Variants in PPP1R42 observed in about 807,000 individuals in gnomAD.
PPP1R42 encodes protein phosphatase 1 regulatory subunit 42.
A neutral mutation model predicts 31.0 loss-of-function variants in PPP1R42; 34 were observed. That is an observed-to-expected ratio of 1.10 (90% CI 0.83 to 1.46). PPP1R42 has a LOEUF of 1.46. Among genes scored for constraint, PPP1R42 ranks in the 40% most tolerant of loss-of-function variants. The pLI is 0.00. For missense variants in PPP1R42, 268 were observed against 303.0 expected (o/e 0.88, Z 0.86); for synonymous variants, 103 against 109.8 (o/e 0.94, Z 0.39).
chr8:66,985,285 C>T (rs764034150), intron 6 of PPP1R42: 29 of 920,746 alleles, frequency 3.1e-5, no homozygotes, highest in Non-Finnish European at 4.8e-5. Flanking sequence ...AGTGGAGACT[C>T]GGGGTCAAAA....
chr8:67,027,418 G>T (rs1386229690), intron 1 of PPP1R42, among the ~76,000 whole-genome samples: 3 of 152,120 alleles, frequency 2.0e-5, no homozygotes, highest in African/African-American at 7.2e-5. Flanking sequence ...TAAACCAAGG[G>T]AAGGTCAATG....
intron 1 of PPP1R42, among the ~76,000 whole-genome samples, chr8:67,026,135 C>T (rs751497191): frequency 4.6e-5 from 7 of 150,564 alleles, no homozygotes; most frequent in African/African-American, 1.7e-4. Flanking sequence ...CAGGAGTTTG[C>T]GACCAGCCTG....
chr8:66,973,939 G>C (rs1814602488), intron 7 of PPP1R42, among the ~76,000 whole-genome samples: 1 of 152,164 alleles, frequency 6.6e-6, no homozygotes, highest in Non-Finnish European at 1.5e-5. Context: ...AAGCTGAATA[G>C]TGTTCCGTGT....
At chr8:66,980,948 T>G (rs1460792920) in intron 7 of PPP1R42, among the ~76,000 whole-genome samples, 2 of 152,042 alleles carry the variant, frequency 1.3e-5, no homozygotes, top group Non-Finnish European at 2.9e-5. Context: ...GTTCAAGTGA[T>G]TCTCCTGCCT....
intron 2 of PPP1R42, among the ~76,000 whole-genome samples, chr8:67,017,211 CGT>C (rs1409101126): frequency 1.3e-5 from 2 of 152,058 alleles, no homozygotes; most frequent in Non-Finnish European, 2.9e-5. Context: ...CAGTGGCTTG[CGT>C]GTGTAATCCC....
chr8:66,987,727 T>C lies in PPP1R42; in HGVS notation c.670+673A>G, dbSNP rs926653808. ...CTCTCAATACAAAATTTGCTTCCAC[T>C]CATGCTAAGTAAACCAAATATGTGG... is the stretch of plus-strand genomic sequence containing the variant. On this transcript the variant is annotated intron_variant, in intron 6 of 7. Transcript: ENST00000685739. Among the ~76,000 whole-genome samples the C allele has an allele frequency of 2.0e-5, 3 of 152,176 alleles. No homozygotes were observed. The South Asian group carries it at 6.2e-4, about 31-fold the overall frequency.
intron 7 of PPP1R42, among the ~76,000 whole-genome samples, chr8:66,972,669 C>A (rs553056925): frequency 3.5e-4 from 54 of 152,244 alleles, no homozygotes; most frequent in African/African-American, 1.2e-3. Context: ...GGATTACAGG[C>A]ATGAGCCACC....
At chr8:66,996,697 A>AT (rs959554133) in intron 5 of PPP1R42, among the ~76,000 whole-genome samples, 1 of 151,944 alleles carries the variant, frequency 6.6e-6, no homozygotes, top group Non-Finnish European at 1.5e-5. Context: ...AAATCTTTAT[A>AT]TTTTTTCTAG....
chr8:67,028,223 G>A (rs1376133329), intron 1 of PPP1R42, among the ~76,000 whole-genome samples: 2 of 151,888 alleles, frequency 1.3e-5, no homozygotes, highest in Admixed American at 1.3e-4. Flanking sequence ...TCAGCTCCAC[G>A]CCCACCGGGC....
At chr8:66,975,390 G>A (rs1018544012) in intron 7 of PPP1R42, among the ~76,000 whole-genome samples, 7 of 152,208 alleles carry the variant, frequency 4.6e-5, no homozygotes, top group African/African-American at 1.7e-4. Flanking sequence ...GCTCATGCCT[G>A]TAATCCCAGG....
At chr8:66,974,157 G>A (rs911504463) in intron 7 of PPP1R42, among the ~76,000 whole-genome samples, 1 of 152,158 alleles carries the variant, frequency 6.6e-6, no homozygotes, top group African/African-American at 2.4e-5. Flanking sequence ...TTTGAGGAAC[G>A]TTCATACTGT....
Position 67,014,565 on chromosome 8 carries a change from T to C in PPP1R42, c.157A>G (p.Ser53Gly). 2.0e-6 allele frequency: 3 copies of C among 1,535,312 alleles called. No individual in the cohort carries two copies. The highest frequency in any genetic ancestry group is 2.7e-6 in the Non-Finnish European group (3 of 1,131,920). Residue 53 changes from serine (S) to glycine (G), a missense_variant, in exon 3 of 8, where the codon AGT (serine) becomes GGT (glycine). Physicochemically the swap from Ser to Gly is moderately conservative, Grantham distance 56 (BLOSUM62 0). Transcript: ENST00000685739. ...CAATTATCATATAAATATAAAACAC[T>C]AAGATTTTTGCAAAGAGAGAGGTCT... Reference protein sequence around the residue: ...IEDLSLCKNLSVLYLYDNCIS... With the variant: ...IEDLSLCKNLGVLYLYDNCIS...
At chr8:66,993,403 C>A (rs1386215120) in intron 5 of PPP1R42, among the ~76,000 whole-genome samples, 1 of 152,346 alleles carries the variant, frequency 6.6e-6, no homozygotes, top group Admixed American at 6.5e-5. Context: ...AACTCTCTTT[C>A]ATGCCTATGT....
intron 1 of PPP1R42, among the ~76,000 whole-genome samples, chr8:67,027,763 GAGATTGTGTTCTAA>G (rs1440534653): frequency 6.6e-6 from 1 of 152,096 alleles, no homozygotes; most frequent in Admixed American, 6.6e-5. Flanking sequence ...TCTTTTAAAA[GAGATTGTGTTCTAA>G]AGTTTGAGAA....
At chr8:66,985,250 T>C (rs1283888300) in intron 6 of PPP1R42, 2 of 1,083,200 alleles carry the variant, frequency 1.8e-6, no homozygotes, top group East Asian at 4.7e-5. Context: ...AATTTAAAAG[T>C]GCGTTTCTGG....
intron 2 of PPP1R42, among the ~76,000 whole-genome samples, chr8:67,015,037 G>A (rs55865589): frequency 3.1e-4 from 47 of 151,266 alleles, no homozygotes; most frequent in Non-Finnish European, 5.9e-4. Context: ...TTTTTTTCCT[G>A]AGATGGAGTC....
At position 67,022,327 on chromosome 8, in the gene PPP1R42, A is replaced by G. The variant is rs1816246987; in HGVS notation, c.-84-4496T>C. On this transcript the variant is annotated intron_variant, in intron 1 of 7. Coordinates refer to ENST00000685739, the MANE Select transcript of PPP1R42 (RefSeq NM_001364910.1). ...TCTCTTCTGTTAATTGCTATTTCTTATATTTTGCCCATTTTTCCTACTGAG... is the reference window on the plus strand; with the variant it reads ...TCTCTTCTGTTAATTGCTATTTCTTGTATTTTGCCCATTTTTCCTACTGAG... Among the ~76,000 whole-genome samples, 2 of 152,134 alleles carry G rather than the reference A, an allele frequency of 1.3e-5. 1 individual carries two copies. Among genetic ancestry groups the G allele is most frequent in the Admixed American group, 1.3e-4 (2 of 15,272 alleles).
chr8:67,001,422 TATA>T (rs1815487072), intron 5 of PPP1R42, among the ~76,000 whole-genome samples: 4 of 149,058 alleles, frequency 2.7e-5, no homozygotes, highest in African/African-American at 9.7e-5. Flanking sequence ...TTTACATTAA[TATA>T]ATTATTAATA....
intron 7 of PPP1R42, among the ~76,000 whole-genome samples, chr8:66,980,392 A>C (rs1814791838): frequency 6.6e-6 from 1 of 151,872 alleles, no homozygotes; most frequent in African/African-American, 2.4e-5. Context: ...ATGCCTGGCT[A>C]ATTTTAAAGT....
Sources: gnomAD v4.1 joint callset for allele counts (sites outside exome capture counted in the v4.1 genomes callset) on GRCh38, gnomAD v4.1.1 for gene constraint, MANE v1.5 for transcripts, NCBI Gene and HGNC (gene_info 2026-07-23, HGNC 2026-07-21) for gene names.